The following YIPF7 variants were observed in gnomAD, a reference collection of about 807,000 sequenced individuals.
YIPF7 encodes protein YIPF7.
In YIPF7, 35 loss-of-function variants were observed where a neutral mutation model predicts 27.2. That is an observed-to-expected ratio of 1.29 (90% CI 0.98 to 1.70). YIPF7 has a LOEUF of 1.70. Among genes scored for constraint, YIPF7 ranks in the 40% most tolerant of loss-of-function variants. The pLI is 0.00. For missense variants in YIPF7, 358 were observed against 303.7 expected, an observed-to-expected ratio of 1.18 and a Z score of -1.33; for synonymous variants, 137 against 110.4, an observed-to-expected ratio of 1.24 and a Z score of -1.51.
In YIPF7 at chr4:44,650,053, AAAATT is replaced by A; in HGVS notation, c.43_47del (p.Asn15TyrfsTer3). On this transcript the variant is annotated frameshift_variant, in exon 2 of 6. Transcript: ENST00000415895. LOFTEE classifies it high-confidence loss of function. ...CACTCTGCTCCTGGTTATCAATAGTAAAATTAGATTGGTAAAAATCAGAGTCAAAT... is the reference window on the plus strand; with the variant it reads ...CACTCTGCTCCTGGTTATCAATAGTAAGATTGGTAAAAATCAGAGTCAAAT... The A allele has an allele frequency of 2.5e-6, 4 of 1,586,478 alleles. No homozygotes were observed. Among genetic ancestry groups the A allele is most frequent in the Non-Finnish European group, 3.4e-6 (4 of 1,164,718 alleles).
intron 3 of YIPF7, among the ~76,000 whole-genome samples, chr4:44,632,120 G>A (rs545618205): frequency 6.8e-6 from 1 of 148,124 alleles, no homozygotes; most frequent in African/African-American, 2.4e-5. Flanking sequence ...AATAAAGATT[G>A]TATGTGCTTT....
At chr4:44,656,561 G>T (rs569365404), upstream of YIPF7, among the ~76,000 whole-genome samples, 35 of 152,152 alleles carry the variant, frequency 2.3e-4, no homozygotes, top group African/African-American at 5.5e-4. Context: ...GAGTACGGTA[G>T]CTGGCAAGTA....
At chr4:44,655,346 C>T (rs1284625352), upstream of YIPF7, among the ~76,000 whole-genome samples, 2 of 151,968 alleles carry the variant, frequency 1.3e-5, no homozygotes, top group Admixed American at 1.3e-4. Context: ...TGTGCAGTCA[C>T]ACACTTAGTA....
chr4:44,653,455 T>C (rs1361800735), upstream of YIPF7, among the ~76,000 whole-genome samples: 2 of 151,998 alleles, frequency 1.3e-5, no homozygotes, highest in African/African-American at 4.8e-5. Flanking sequence ...GGTACAAAAG[T>C]CATGGCAACT....
At chr4:44,656,831 T>TGA (rs1560331975) in intron 2 of YIPF7, among the ~76,000 whole-genome samples, 2 of 152,134 alleles carry the variant, frequency 1.3e-5, no homozygotes, top group Non-Finnish European at 2.9e-5. Flanking sequence ...TCATGTCTTA[T>TGA]TTTACAATAA....
At chr4:44,643,903 G>A (rs770184622) in intron 2 of YIPF7, among the ~76,000 whole-genome samples, 2 of 152,086 alleles carry the variant, frequency 1.3e-5, no homozygotes, top group Non-Finnish European at 2.9e-5. Context: ...CCAAGCAGAA[G>A]CCTGCTGCAG....
At chr4:44,632,118 TTGTA>T (rs202089398) in intron 3 of YIPF7, among the ~76,000 whole-genome samples, 2,064 of 152,254 alleles carry the variant, frequency 0.014, 24 homozygotes, top group Middle Eastern at 0.031. Context: ...ATAATAAAGA[TTGTA>T]TGTGCTTTCT....
At chr4:44,649,686 C>T (rs1323645345) in intron 2 of YIPF7, among the ~76,000 whole-genome samples, 2 of 151,670 alleles carry the variant, frequency 1.3e-5, no homozygotes, top group East Asian at 3.9e-4. Context: ...GGCTGAGGCA[C>T]AGAATCGCTT....
chr4:44,622,682 C>A (rs543227451), intron 5 of YIPF7, 106 bp from the exon 6 acceptor site: 18 of 1,359,886 alleles, frequency 1.3e-5, no homozygotes, highest in East Asian at 4.9e-5. Flanking sequence ...ACTACTTTCC[C>A]GAGTGGTAAA....
Position 44,622,551 on chromosome 4 carries a change from G to C in YIPF7, c.634C>G (p.Leu212Val), listed in dbSNP as rs770921580. Residue 212 changes from leucine to valine, a missense_variant, in exon 6 of 6, where the codon CTG (leucine) becomes GTG (valine). Coordinates refer to ENST00000415895, the MANE Select transcript of YIPF7 (RefSeq NM_182592.3). ...AGACTACACCAGCCAATGATGACCA[G>C]GGATGACATGATTCCAAAGATGCCC... The part of the protein sequence containing the change: ...LQGIFGIMSS[L>V]VIIGWCSLSA... 1 of 1,613,612 alleles carries C rather than the reference G, an allele frequency of 6.2e-7. No individual in the cohort carries two copies. Among genetic ancestry groups the C allele is most frequent in the Non-Finnish European group, 8.5e-7 (1 of 1,179,748 alleles).
chr4:44,645,883 T>G (rs1713509453), intron 2 of YIPF7, among the ~76,000 whole-genome samples: 1 of 152,112 alleles, frequency 6.6e-6, no homozygotes, highest in Non-Finnish European at 1.5e-5. Context: ...TTTTTAAATA[T>G]ATATAATATA....
upstream of YIPF7, chr4:44,651,789 T>TG: frequency 2.3e-6 from 1 of 437,800 alleles, no homozygotes; most frequent in South Asian, 6.8e-5. Context: ...TGTTACAGAC[T>TG]TACAATTTGA....
rs140111997 is a variant in YIPF7, at chr4:44,629,585, T to C, written c.281-37A>G. The C allele has an allele frequency of 1.9e-4, 270 of 1,412,666 alleles. 1 individual carries two copies. The African/African-American group carries it at 3.3e-3, about 17-fold the overall frequency. 87.5% of individuals were successfully genotyped at this position (1,412,666 alleles called of 1,614,324 possible). A position where few individuals can be genotyped will look rare whatever the true frequency, so the allele number is the denominator to read the frequency against. ...AAAAAAGATAAATAATATGATAACA[T>C]AAATATAGAAAAATAAAAATAAGTT... On this transcript the variant is annotated intron_variant, in intron 3 of 5. Coordinates refer to ENST00000415895, the MANE Select transcript of YIPF7 (RefSeq NM_182592.3).
intron 2 of YIPF7, among the ~76,000 whole-genome samples, chr4:44,641,084 T>A (rs1256689487): frequency 6.6e-6 from 1 of 151,962 alleles, no homozygotes; most frequent in African/African-American, 2.4e-5. Context: ...ATTATGCAAT[T>A]CCCCAGCAGG....
At chr4:44,624,848 A>G (rs1342403893) in intron 4 of YIPF7, 66 bp from the exon 5 acceptor site, 1 of 1,438,132 alleles carries the variant, frequency 7.0e-7, no homozygotes. Context: ...TCTGAATATC[A>G]TGAAGCAGAG....
intron 3 of YIPF7, among the ~76,000 whole-genome samples, chr4:44,629,800 G>C (rs1712819653): frequency 3.9e-5 from 6 of 152,062 alleles, no homozygotes; most frequent in Admixed American, 3.9e-4. Context: ...AAATATATTA[G>C]AGAAACATTT....
intron 5 of YIPF7, among the ~76,000 whole-genome samples, chr4:44,623,441 A>T (rs1327701424): frequency 6.6e-6 from 1 of 152,034 alleles, no homozygotes; most frequent in African/African-American, 2.4e-5. Context: ...CTAGCATAGT[A>T]CTCTTTTCAC....
intron 3 of YIPF7, 22 bp downstream of exon 3, chr4:44,635,900 T>G: frequency 6.2e-7 from 1 of 1,612,522 alleles, no homozygotes; most frequent in South Asian, 1.1e-5. Context: ...GTACACACAT[T>G]AATAACACTT....
chr4:44,643,138 G>A (rs541415915), intron 2 of YIPF7, among the ~76,000 whole-genome samples: 13 of 152,236 alleles, frequency 8.5e-5, no homozygotes, highest in South Asian at 2.1e-4. Flanking sequence ...AAATGCTGAC[G>A]GTGATATGGA....
Sources: allele counts gnomAD v4.1 joint callset (sites outside exome capture counted in the v4.1 genomes callset), GRCh38; gene constraint gnomAD v4.1.1; transcripts MANE v1.5; gene names NCBI Gene and HGNC (gene_info 2026-07-23, HGNC 2026-07-21).